Variants in SFMBT2 observed in about 807,000 individuals in gnomAD.
SFMBT2 encodes the protein scm-like with four MBT domains protein 2.
Under a neutral mutation model 110.1 loss-of-function variants are expected in SFMBT2, and 38 were observed. That is an observed-to-expected ratio of 0.35 (90% CI 0.27 to 0.45). The LOEUF is 0.45. Ranked by LOEUF, SFMBT2 falls within the 20% of genes least tolerant of loss-of-function variation. The probability of loss-of-function intolerance (pLI) is 1.00; values close to 1 mark genes in which losing one functional copy is unlikely to be tolerated. For missense variants in SFMBT2, 1,011 were observed against 1,094.9 expected, an observed-to-expected ratio of 0.92 and a Z score of 1.08; for synonymous variants, 425 against 425.4, an observed-to-expected ratio of 1.00 and a Z score of 0.01.
At chr10:7,276,780 C>A in intron 7 of SFMBT2, 112 bp downstream of exon 7, 2 of 695,100 alleles carry the variant, frequency 2.9e-6, no homozygotes, top group Admixed American at 2.0e-5. Flanking sequence ...CCCACCTCAG[C>A]CTCTCAAAGT....
intron 9 of SFMBT2, among the ~76,000 whole-genome samples, chr10:7,230,867 G>A (rs193212038): frequency 2.2e-3 from 330 of 152,244 alleles, no homozygotes; most frequent in African/African-American, 7.7e-3. Flanking sequence ...CGGAGGCGGA[G>A]ATTGCTGTGA....
At chr10:7,223,112 C>G (rs1839798720) in intron 10 of SFMBT2, among the ~76,000 whole-genome samples, 1 of 152,150 alleles carries the variant, frequency 6.6e-6, no homozygotes, top group Non-Finnish European at 1.5e-5. Flanking sequence ...TTGAGGGAGG[C>G]ACAATTCAAC....
intron 20 of SFMBT2, among the ~76,000 whole-genome samples, chr10:7,166,680 C>G (rs1445352051): frequency 6.6e-6 from 1 of 152,156 alleles, no homozygotes; most frequent in African/African-American, 2.4e-5. Context: ...TCAAACAGGA[C>G]AGGCAACCAA....
chr10:7,333,778 G>T (rs933381421), intron 4 of SFMBT2, among the ~76,000 whole-genome samples: 6 of 146,952 alleles, frequency 4.1e-5, no homozygotes, highest in Non-Finnish European at 9.0e-5. Flanking sequence ...CTCCCCACAG[G>T]GCCTCCCCGC....
chr10:7,189,656 G>C (rs1454624115), intron 15 of SFMBT2, among the ~76,000 whole-genome samples: 1 of 152,226 alleles, frequency 6.6e-6, no homozygotes, highest in Non-Finnish European at 1.5e-5. Flanking sequence ...GATCCTCTGT[G>C]AAGCTCCACT....
At chr10:7,359,077 T>A (rs1395327600) in intron 4 of SFMBT2, among the ~76,000 whole-genome samples, 1 of 150,606 alleles carries the variant, frequency 6.6e-6, no homozygotes, top group Admixed American at 6.6e-5. Flanking sequence ...CAGGTGGAGG[T>A]GGAGGGGGAA....
intron 20 of SFMBT2, among the ~76,000 whole-genome samples, chr10:7,164,782 CA>C (rs1564361599): frequency 4.9e-4 from 73 of 148,016 alleles, no homozygotes; most frequent in Admixed American, 1.6e-3. Context: ...CACACACACA[CA>C]CACACACACC....
intron 4 of SFMBT2, among the ~76,000 whole-genome samples, chr10:7,354,721 C>T (rs1183086253): frequency 6.6e-6 from 1 of 152,212 alleles, no homozygotes; most frequent in Non-Finnish European, 1.5e-5. Flanking sequence ...TTAAGATTTA[C>T]AAGTTATTAA....
At chr10:7,261,484 A>G (rs1841202496) in intron 7 of SFMBT2, among the ~76,000 whole-genome samples, 1 of 152,188 alleles carries the variant, frequency 6.6e-6, no homozygotes, top group African/African-American at 2.4e-5. Context: ...GAGTGCATGA[A>G]TCAGTACAGA....
intron 5 of SFMBT2, 143 bp from the exon 6 acceptor site, chr10:7,284,293 T>C (rs1842027329): frequency 6.9e-7 from 1 of 1,456,708 alleles, no homozygotes; most frequent in Non-Finnish European, 9.0e-7. Context: ...ACCCCATCCT[T>C]GCCCAGCCCA....
chr10:7,305,533 A>G (rs1057380862), intron 4 of SFMBT2, among the ~76,000 whole-genome samples: 1 of 152,210 alleles, frequency 6.6e-6, no homozygotes, highest in Non-Finnish European at 1.5e-5. Flanking sequence ...TTGAACAAGA[A>G]AATAAATTGC....
chr10:7,248,754 A>C lies in SFMBT2; in HGVS notation c.871-105T>G. 4 of 869,822 alleles carry C rather than the reference A, an allele frequency of 4.6e-6. 1 individual carries two copies. Among genetic ancestry groups the C allele is most frequent in the Non-Finnish European group, 7.2e-6 (4 of 552,900 alleles). The allele number at this position is 869,822 out of a possible 1,614,324, so 53.9% of individuals were successfully genotyped here. On this transcript the variant is annotated intron_variant, in intron 7 of 20. Coordinates refer to ENST00000397167, the MANE Select transcript of SFMBT2 (RefSeq NM_001387889.1). Reference sequence around the variant, plus strand: ...CATTTTATTGGGCAACCAAAATCTTATGGAGACAATTAACCTTCCCTGTTT... The same window carrying C: ...CATTTTATTGGGCAACCAAAATCTTCTGGAGACAATTAACCTTCCCTGTTT...
rs1217483883 is a variant in SFMBT2 at position 7,163,504 on chromosome 10, G to A, written c.*266C>T. 2.6e-6 allele frequency: 1 copy of A among 383,990 alleles called. No homozygotes were observed. The highest frequency in any genetic ancestry group is 4.7e-6 in the Non-Finnish European group (1 of 212,352). 23.8% of individuals were successfully genotyped at this position (383,990 alleles called of 1,614,324 possible). A position where few individuals can be genotyped will look rare whatever the true frequency, so the allele number is the denominator to read the frequency against. The stretch of plus-strand genomic sequence containing the variant: ...ATTTGGGGCAGGAGAAAGGCAAAAC[G>A]TGGGTGAGCCAAGAAGCAGGCCCAC... On this transcript the variant is annotated 3_prime_UTR_variant, in exon 21 of 21. Transcript: ENST00000397167. The surrounding 1 kb of genome is among the most constrained non-coding windows in gnomAD (Gnocchi z 4.8).
intron 2 of SFMBT2, among the ~76,000 whole-genome samples, chr10:7,372,609 C>T (rs796906963): frequency 7.2e-5 from 11 of 152,330 alleles, no homozygotes; most frequent in African/African-American, 2.6e-4. Flanking sequence ...GTCACAGACA[C>T]AGCGAAGTGA....
At chr10:7,376,687 A>T (rs74975299) in intron 2 of SFMBT2, among the ~76,000 whole-genome samples, 1 of 115,466 alleles carries the variant, frequency 8.7e-6, no homozygotes, top group African/African-American at 3.3e-5. Flanking sequence ...TGACAGAGCA[A>T]GACTCTGTCT....
At chr10:7,378,557 T>C (rs1189848366) in intron 2 of SFMBT2, among the ~76,000 whole-genome samples, 1 of 112,126 alleles carries the variant, frequency 8.9e-6, no homozygotes, top group Non-Finnish European at 1.8e-5. Context: ...TATGTATAGA[T>C]GGGTGGATGG....
intron 7 of SFMBT2, among the ~76,000 whole-genome samples, chr10:7,269,966 T>A (rs1841528457): frequency 6.6e-6 from 1 of 152,016 alleles, no homozygotes. Flanking sequence ...ATTTCTAAGA[T>A]TTCTGTACAT....
intron 7 of SFMBT2, among the ~76,000 whole-genome samples, chr10:7,265,482 T>C (rs1441784615): frequency 6.6e-6 from 1 of 152,192 alleles, no homozygotes; most frequent in African/African-American, 2.4e-5. Flanking sequence ...GTTACAGGCA[T>C]GAGCCACCGC....
chr10:7,208,973 A>G (rs1401473923), intron 11 of SFMBT2, among the ~76,000 whole-genome samples: 1 of 152,164 alleles, frequency 6.6e-6, no homozygotes, highest in African/African-American at 2.4e-5. Context: ...CCCACCCCAA[A>G]TATATCCCAT....
Sources: allele counts gnomAD v4.1 joint callset (sites outside exome capture counted in the v4.1 genomes callset), GRCh38; gene constraint gnomAD v4.1.1; non-coding constraint Gnocchi (gnomAD v3.1); transcripts MANE v1.5; gene names NCBI Gene and HGNC (gene_info 2026-07-23, HGNC 2026-07-21).